The following ADAM12 variants were observed in gnomAD, a reference collection of about 807,000 sequenced individuals.
The protein encoded by ADAM12 is disintegrin and metalloproteinase domain-containing protein 12.
A neutral mutation model predicts 106.4 loss-of-function variants in ADAM12; 70 were observed. The observed-to-expected ratio is 0.66, with a 90% CI of 0.54 to 0.80. ADAM12 has a LOEUF of 0.80. Among genes scored for constraint, ADAM12 ranks in the 30% least tolerant of loss-of-function variants. ADAM12 has a pLI of 0.00. For synonymous variants in ADAM12, 420 were observed against 433.5 expected (o/e 0.97, Z 0.39); for missense variants, 1,010 against 1,171.9 (o/e 0.86, Z 2.02).
At chr10:126,127,906 A>G (rs2133653908) in intron 5 of ADAM12, among the ~76,000 whole-genome samples, 1 of 152,282 alleles carries the variant, frequency 6.6e-6, no homozygotes, top group Middle Eastern at 3.4e-3. Context: ...GAGGGGCAGC[A>G]CCACGCATGT....
At chr10:126,228,945 A>C (rs1958254021) in intron 3 of ADAM12, among the ~76,000 whole-genome samples, 1 of 152,270 alleles carries the variant, frequency 6.6e-6, no homozygotes, top group Non-Finnish European at 1.5e-5. Context: ...GGCAGTGTGT[A>C]CAGAGGGTTG....
chr10:126,136,963 A>G (rs1956416525), intron 4 of ADAM12, among the ~76,000 whole-genome samples: 1 of 152,208 alleles, frequency 6.6e-6, no homozygotes, highest in Non-Finnish European at 1.5e-5. Context: ...GTGTATATCA[A>G]TCTAAATGCA....
At chr10:126,153,836 AT>A (rs1380519136) in intron 4 of ADAM12, among the ~76,000 whole-genome samples, 1 of 152,198 alleles carries the variant, frequency 6.6e-6, no homozygotes, top group African/African-American at 2.4e-5. Flanking sequence ...TTTGAGGTCA[AT>A]ATCTTGACTG....
At chr10:126,086,704 T>TATATATATATATATATAA (rs752355130) in intron 11 of ADAM12, among the ~76,000 whole-genome samples, 19 of 64,194 alleles carry the variant, frequency 3.0e-4, no homozygotes, top group East Asian at 2.6e-3. Context: ...TATATATATA[T>TATATATATATATATATAA]ATAAAATAAA....
At chr10:126,317,512 AGT>A (rs1853923496) in intron 2 of ADAM12, among the ~76,000 whole-genome samples, 1 of 152,218 alleles carries the variant, frequency 6.6e-6, no homozygotes, top group African/African-American at 2.4e-5. Flanking sequence ...TTTAATTTCA[AGT>A]AATTAGCAGA....
intron 11 of ADAM12, among the ~76,000 whole-genome samples, chr10:126,072,657 G>A (rs1194636230): frequency 6.6e-6 from 1 of 152,114 alleles, no homozygotes; most frequent in Non-Finnish European, 1.5e-5. Flanking sequence ...AGCATTTGGG[G>A]TTTGATTCCA....
At chr10:126,222,331 G>A (rs766148398) in intron 3 of ADAM12, among the ~76,000 whole-genome samples, 16 of 152,100 alleles carry the variant, frequency 1.1e-4, no homozygotes, top group Admixed American at 2.6e-4. Flanking sequence ...GAATTGGCAG[G>A]TTCATAAAGC....
At chr10:126,115,364 T>C (rs977529813) in intron 6 of ADAM12, among the ~76,000 whole-genome samples, 1 of 152,156 alleles carries the variant, frequency 6.6e-6, no homozygotes, top group Non-Finnish European at 1.5e-5. Context: ...GAGTAGCCGA[T>C]GGAGAGGGAA....
intron 4 of ADAM12, among the ~76,000 whole-genome samples, chr10:126,148,464 C>A (rs928547433): frequency 1.3e-5 from 2 of 152,200 alleles, no homozygotes; most frequent in Non-Finnish European, 2.9e-5. Context: ...GAAGGACCAG[C>A]TGTTCTGGGC....
chr10:126,204,449 TC>T (rs1957759632), intron 3 of ADAM12, among the ~76,000 whole-genome samples: 2 of 152,306 alleles, frequency 1.3e-5, no homozygotes, highest in East Asian at 1.9e-4. Flanking sequence ...GGTGACTGTG[TC>T]TGTGAGACAA....
intron 3 of ADAM12, among the ~76,000 whole-genome samples, chr10:126,266,183 T>C (rs1959093148): frequency 6.6e-6 from 1 of 152,118 alleles, no homozygotes; most frequent in Admixed American, 6.5e-5. Flanking sequence ...GCCTACAGAA[T>C]TGCACTGCAC....
In ADAM12 at chr10:126,066,818, A is replaced by T; in HGVS notation, c.1324-12T>A. Reference sequence around the variant, plus strand: ...CGATTCATACATTCCTGGAAAGGGGAATGGCATTTGTTTGACAGGGTCTTA... The same window carrying T: ...CGATTCATACATTCCTGGAAAGGGGTATGGCATTTGTTTGACAGGGTCTTA... On this transcript the variant is annotated splice_polypyrimidine_tract_variant and intron_variant, in intron 12 of 22. Transcript: ENST00000448723. The surrounding 1 kb of genome is among the most constrained non-coding windows in gnomAD (Gnocchi z 5.1). 6.2e-7 allele frequency: 1 copy of T among 1,611,786 alleles called. No individual in the cohort carries two copies. The highest frequency in any genetic ancestry group is 1.1e-5 in the South Asian group (1 of 91,006).
At chr10:126,132,544 T>G (rs1590469170) in intron 5 of ADAM12, among the ~76,000 whole-genome samples, 1 of 129,698 alleles carries the variant, frequency 7.7e-6, no homozygotes, top group Admixed American at 8.2e-5. Context: ...CCTCAACTAG[T>G]CCAGTCCCAG....
chr10:126,361,636 A>G (rs1855749301), intron 1 of ADAM12, among the ~76,000 whole-genome samples: 1 of 152,192 alleles, frequency 6.6e-6, no homozygotes, highest in Admixed American at 6.5e-5. Flanking sequence ...GAACCCAAAC[A>G]TATACGGTCA....
chr10:126,085,541 T>G (rs1161251014), intron 11 of ADAM12, among the ~76,000 whole-genome samples: 1 of 102,596 alleles, frequency 9.7e-6, no homozygotes, highest in East Asian at 3.4e-4. Flanking sequence ...TCCATTTCTA[T>G]CTATCCATTA....
chr10:126,314,400 C>T (rs560455437), intron 2 of ADAM12, among the ~76,000 whole-genome samples: 21 of 152,100 alleles, frequency 1.4e-4, no homozygotes, highest in Non-Finnish European at 2.4e-4. Context: ...CAGAGTAGGG[C>T]ACAGGGAGTG....
chr10:126,099,871 C>T (rs1233041292), intron 9 of ADAM12, among the ~76,000 whole-genome samples: 1 of 152,120 alleles, frequency 6.6e-6, no homozygotes, highest in Non-Finnish European at 1.5e-5. Context: ...CCTTTCTGTG[C>T]TATAAGCCAC....
rs1205564852 is a variant in ADAM12, at chr10:126,381,400, G to T, written c.88+6658C>A. Among the ~76,000 whole-genome samples the T allele has an allele frequency of 5.3e-5, 8 of 152,032 alleles. No homozygotes were observed. In the East Asian group the frequency reaches 1.5e-3, roughly 29 times the overall value. On this transcript the variant is annotated intron_variant, in intron 1 of 22. Transcript: ENST00000448723. Reference sequence around the variant, plus strand: ...TGCCTGTAATTCCAACACTTTTGGGGGGCTGCGGCAGGAGGATGCTTGAGC... The same window carrying T: ...TGCCTGTAATTCCAACACTTTTGGGTGGCTGCGGCAGGAGGATGCTTGAGC...
chr10:126,225,255 G>A (rs1322631270), intron 3 of ADAM12, among the ~76,000 whole-genome samples: 1 of 152,228 alleles, frequency 6.6e-6, no homozygotes, highest in African/African-American at 2.4e-5. Context: ...GTTTTCTGTT[G>A]TGTCTCAAGA....
Sources: allele counts gnomAD v4.1 joint callset (sites outside exome capture counted in the v4.1 genomes callset), GRCh38; gene constraint gnomAD v4.1.1; non-coding constraint Gnocchi (gnomAD v3.1); transcripts MANE v1.5; gene names NCBI Gene and HGNC (gene_info 2026-07-23, HGNC 2026-07-21).